COL11A1: variants seen among roughly 807,000 people sequenced by gnomAD.
COL11A1 encodes collagen type XI alpha 1 chain.
A neutral mutation model predicts 265.2 loss-of-function variants in COL11A1; 74 were observed. The ratio of observed to expected loss-of-function variants is 0.28; its 90% confidence interval spans 0.23 to 0.34. The LOEUF (loss-of-function observed/expected upper bound fraction) is 0.34. Ranked by LOEUF, COL11A1 falls within the 10% of genes least tolerant of loss-of-function variation. COL11A1 has a pLI of 1.00. For missense variants in COL11A1, 2,165 were observed against 2,263.6 expected, an observed-to-expected ratio of 0.96 and a Z score of 0.88; for synonymous variants, 816 against 727.6, an observed-to-expected ratio of 1.12 and a Z score of -1.96.
Position 102,913,992 on chromosome 1 carries a change from A to G in COL11A1, c.3979-302T>C, listed in dbSNP as rs4908272. On this transcript the variant is annotated intron_variant, in intron 52 of 66. Coordinates refer to ENST00000370096, the MANE Select transcript of COL11A1 (RefSeq NM_001854.4). Reference sequence around the variant, plus strand: ...GTGAATCATTTCACCATGAACAAATATGGTATAGTTTGAAATAGGATTTGC... The same window carrying G: ...GTGAATCATTTCACCATGAACAAATGTGGTATAGTTTGAAATAGGATTTGC... Among the ~76,000 whole-genome samples the G allele has an allele frequency of 0.53, 80,951 of 152,050 alleles. 25,799 individuals are homozygous for G. The highest frequency in any genetic ancestry group is 0.77 in the East Asian group (3,949 of 5,152).
intron 54 of COL11A1, among the ~76,000 whole-genome samples, chr1:102,904,384 T>A (rs1653630702): frequency 6.6e-6 from 1 of 151,684 alleles, no homozygotes; most frequent in African/African-American, 2.4e-5. Context: ...GGGATCTAAT[T>A]AAACTAAAGA....
chr1:103,015,932 A>G (rs1480566311), intron 11 of COL11A1, among the ~76,000 whole-genome samples, 190 bp from the exon 12 acceptor site: 1 of 152,082 alleles, frequency 6.6e-6, no homozygotes, highest in Non-Finnish European at 1.5e-5. Context: ...TGATTTTAAT[A>G]ATGTTCGGTT....
In COL11A1 at chr1:103,076,893, A is replaced by G. The variant is rs1672014366; in HGVS notation, c.488+1765T>C. ...ATAAATACTTATGGAATGAATGTTC[A>G]CTCATGATGAATGTCATGATTGTTC... On this transcript the variant is annotated intron_variant, in intron 3 of 66. Coordinates refer to ENST00000370096, the MANE Select transcript of COL11A1 (RefSeq NM_001854.4). Among the ~76,000 whole-genome samples, 3 of 152,232 alleles carry G rather than the reference A, an allele frequency of 2.0e-5. No homozygotes were observed. In the South Asian group the frequency reaches 6.2e-4, roughly 32 times the overall value.
chr1:103,059,366 T>G (rs910940036), intron 4 of COL11A1, among the ~76,000 whole-genome samples: 1 of 151,970 alleles, frequency 6.6e-6, no homozygotes, highest in African/African-American at 2.4e-5. Flanking sequence ...AATCATAGAA[T>G]GAGTCCTTCC....
At chr1:102,914,891 C>T (rs1231969020) in intron 50 of COL11A1, 80 bp from the exon 51 acceptor site, 11 of 1,109,924 alleles carry the variant, frequency 9.9e-6, no homozygotes, top group Non-Finnish European at 1.5e-5. Flanking sequence ...GTTTATTAAC[C>T]TTGGCACACT....
chr1:102,960,596 T>A (rs1660806921), intron 41 of COL11A1, among the ~76,000 whole-genome samples: 1 of 151,972 alleles, frequency 6.6e-6, no homozygotes. Context: ...AGGATCTTTG[T>A]CAAGTAGAGA....
chr1:103,006,040 T>G (rs779213987), intron 17 of COL11A1, 28 bp downstream of exon 17: 8 of 1,613,160 alleles, frequency 5.0e-6, no homozygotes, highest in Non-Finnish European at 6.8e-6. Flanking sequence ...ACACAGGATG[T>G]GAATATAAAA....
At chr1:102,889,997 A>T (rs917394970) in intron 58 of COL11A1, among the ~76,000 whole-genome samples, 2 of 152,126 alleles carry the variant, frequency 1.3e-5, no homozygotes, top group African/African-American at 4.8e-5. Context: ...TTTAAAAATA[A>T]TCCAAACAAT....
chr1:103,023,298 T>C (rs1342910459), intron 7 of COL11A1, among the ~76,000 whole-genome samples: 1 of 152,194 alleles, frequency 6.6e-6, no homozygotes, highest in Non-Finnish European at 1.5e-5. Context: ...AATTTCATAT[T>C]TACTTCACAG....
intron 4 of COL11A1, among the ~76,000 whole-genome samples, chr1:103,058,405 T>G (rs1337077169): frequency 6.6e-6 from 1 of 152,162 alleles, no homozygotes; most frequent in Non-Finnish European, 1.5e-5. Flanking sequence ...TCCTTACCAT[T>G]CATATGTTCA....
intron 41 of COL11A1, among the ~76,000 whole-genome samples, chr1:102,949,018 G>C (rs1659601972): frequency 6.6e-6 from 1 of 151,934 alleles, no homozygotes; most frequent in South Asian, 2.1e-4. Flanking sequence ...AGAAGAGCAA[G>C]GTCTATGAAT....
intron 31 of COL11A1, among the ~76,000 whole-genome samples, chr1:102,981,963 A>T (rs1663082354): frequency 6.7e-6 from 1 of 150,126 alleles, no homozygotes; most frequent in Admixed American, 6.7e-5. Context: ...TCATTTTAGT[A>T]AAAAAAAAAT....
In COL11A1 at chr1:102,991,140, G is replaced by T. The variant is rs139207650; in HGVS notation, c.2341-1569C>A. Among the ~76,000 whole-genome samples, 581 of 152,158 alleles carry T rather than the reference G, an allele frequency of 3.8e-3. 1 individual carries two copies. Among genetic ancestry groups the T allele is most frequent in the Middle Eastern group, 6.8e-3 (2 of 294 alleles). On this transcript the variant is annotated intron_variant, in intron 28 of 66. Transcript: ENST00000370096. ...GTCTGGAGAAGAATGCCAAAATAAT[G>T]ATAATGATGATGATGTATGGTGCTT... is the stretch of plus-strand genomic sequence containing the variant.
chr1:102,927,500 A>G (rs1438127097), intron 46 of COL11A1, among the ~76,000 whole-genome samples: 1 of 152,248 alleles, frequency 6.6e-6, no homozygotes, highest in Admixed American at 6.5e-5. Context: ...GCGGATCACG[A>G]GGTCAGGAGA....
chr1:102,906,496 C>T (rs967062641), intron 54 of COL11A1, among the ~76,000 whole-genome samples: 2 of 152,098 alleles, frequency 1.3e-5, no homozygotes, highest in East Asian at 1.9e-4. Context: ...CAGCCTGGAC[C>T]TCCCAGGCTC....
At chr1:102,900,263 T>C (rs900375367) in intron 54 of COL11A1, among the ~76,000 whole-genome samples, 7 of 152,148 alleles carry the variant, frequency 4.6e-5, no homozygotes, top group Admixed American at 4.6e-4. Flanking sequence ...ATCAATATGC[T>C]AATAATAATA....
Position 103,006,294 on chromosome 1 carries a change from G to T in COL11A1, c.1705C>A (p.Pro569Thr), listed in dbSNP as rs1199452562. 1 of 1,609,240 alleles carries T rather than the reference G, an allele frequency of 6.2e-7. No homozygotes were observed. The highest frequency in any genetic ancestry group is 8.5e-7 in the Non-Finnish European group (1 of 1,177,618). Residue 569 changes from proline to threonine, a missense_variant, in exon 16 of 67, where the codon CCC (proline) becomes ACC (threonine). By Grantham distance (38) the Pro-to-Thr change is conservative. Transcript: ENST00000370096. The part of the protein sequence containing the change: ...GPQGPRGVQG[P>T]PGPTGKPGKR... ...CCAGGTTTTCCCGTTGGACCAGGGGGACCCTGGACGCCTCGAGGGCCCTAT... is the reference window on the plus strand; with the variant it reads ...CCAGGTTTTCCCGTTGGACCAGGGGTACCCTGGACGCCTCGAGGGCCCTAT...
At position 103,034,636 on chromosome 1, in the gene COL11A1, A is replaced by G. The variant is rs529451817; in HGVS notation, c.652-3392T>C. Among the ~76,000 whole-genome samples, 120 of 152,130 alleles carry G rather than the reference A, an allele frequency of 7.9e-4. 1 individual carries two copies. Among genetic ancestry groups the G allele is most frequent in the Admixed American group, 1.5e-3 (23 of 15,256 alleles). On this transcript the variant is annotated intron_variant, in intron 4 of 66. Coordinates refer to ENST00000370096, the MANE Select transcript of COL11A1 (RefSeq NM_001854.4). ...TCATGTTTTTTACGTTTTTTTTAAC[A>G]TAACCATAATTGTTCATTTAATGTC...
rs542538384 is a variant in COL11A1, at chr1:102,989,716, C to A, written c.2341-145G>T. 450 of 487,142 alleles carry A rather than the reference C, an allele frequency of 9.2e-4. 1 individual carries two copies. The highest frequency in any genetic ancestry group is 1.4e-3 in the Non-Finnish European group (367 of 269,296). The allele number at this position is 487,142 out of a possible 1,614,324, so 30.2% of individuals were successfully genotyped here. On this transcript the variant is annotated intron_variant, in intron 28 of 66. Coordinates refer to ENST00000370096, the MANE Select transcript of COL11A1 (RefSeq NM_001854.4). ...TGGTAGTTGTGAAACTTCCTCCTCC[C>A]TTTTCCAACTCCAGCCACAGATTCT...
Sources: gnomAD v4.1 joint callset for allele counts (sites outside exome capture counted in the v4.1 genomes callset) on GRCh38, gnomAD v4.1.1 for gene constraint, MANE v1.5 for transcripts, NCBI Gene and HGNC (gene_info 2026-07-23, HGNC 2026-07-21) for gene names.